Variants in SOS1 observed in about 807,000 individuals in gnomAD.
SOS1 encodes the protein son of sevenless homolog 1.
SOS1 carries 25 observed loss-of-function variants against 157.6 expected under a neutral mutation model. That is an observed-to-expected ratio of 0.16 (90% CI 0.12 to 0.22). SOS1 has a LOEUF of 0.22. Among genes scored for constraint, SOS1 ranks in the 10% least tolerant of loss-of-function variants. SOS1 has a pLI of 1.00. For missense variants in SOS1, 1,237 were observed against 1,599.1 expected (o/e 0.77, Z 3.86); for synonymous variants, 528 against 534.0 (o/e 0.99, Z 0.16).
intron 1 of SOS1, among the ~76,000 whole-genome samples, chr2:39,073,698 T>C (rs988013744): frequency 1.3e-5 from 2 of 152,214 alleles, no homozygotes; most frequent in Non-Finnish European, 2.9e-5. Context: ...TTTAGGTGTA[T>C]ATCGATTCCT....
At chr2:39,080,501 A>G (rs940905325) in intron 1 of SOS1, among the ~76,000 whole-genome samples, 11 of 152,192 alleles carry the variant, frequency 7.2e-5, no homozygotes, top group Non-Finnish European at 1.5e-4. Context: ...CTGAGGTTAT[A>G]TGTACTCTTT....
At chr2:38,993,039 C>T (rs535970176) in intron 20 of SOS1, 5 of 150,718 alleles carry the variant, frequency 3.3e-5, no homozygotes, top group Non-Finnish European at 5.9e-5. Context: ...AGTTTGAGAT[C>T]AGCCTTGGCA....
chr2:39,085,405 G>A (rs1303127918), intron 1 of SOS1, among the ~76,000 whole-genome samples: 2 of 152,144 alleles, frequency 1.3e-5, no homozygotes, highest in African/African-American at 2.4e-5. Context: ...AGCTGGAATG[G>A]CAATTCACAA....
chr2:39,032,809 A>G (rs1375593074), intron 8 of SOS1, among the ~76,000 whole-genome samples: 1 of 152,038 alleles, frequency 6.6e-6, no homozygotes, highest in Non-Finnish European at 1.5e-5. Flanking sequence ...TAAAAATACA[A>G]AATTAGTCGG....
intron 6 of SOS1, among the ~76,000 whole-genome samples, chr2:39,045,219 A>G (rs573697808): frequency 1.5e-4 from 22 of 143,020 alleles, no homozygotes; most frequent in African/African-American, 5.4e-4. Context: ...GGGCTAATTG[A>G]GTGTGAGGGA....
chr2:39,056,934 A>G, intron 3 of SOS1, 68 bp from the exon 4 acceptor site: 1 of 1,136,700 alleles, frequency 8.8e-7, no homozygotes, highest in Non-Finnish European at 1.3e-6. Context: ...GATTAAAAAT[A>G]AAAAACATAT....
chr2:38,996,183 G>A (rs1233776971), intron 19 of SOS1, among the ~76,000 whole-genome samples: 3 of 152,038 alleles, frequency 2.0e-5, no homozygotes, highest in South Asian at 2.1e-4. Flanking sequence ...TCCGCCTCCC[G>A]GGTTCAAGTG....
intron 2 of SOS1, among the ~76,000 whole-genome samples, chr2:39,062,366 T>C (rs1671434899): frequency 6.8e-6 from 1 of 147,386 alleles, no homozygotes; most frequent in African/African-American, 2.5e-5. Flanking sequence ...TGCAGTGAGC[T>C]GAGATCACAC....
intron 10 of SOS1, among the ~76,000 whole-genome samples, chr2:39,021,525 GAAA>G (rs70954777): frequency 3.7e-4 from 39 of 104,692 alleles, no homozygotes; most frequent in Non-Finnish European, 5.6e-4. Context: ...TGCTCTACAG[GAAA>G]AAAAAAAAAA....
At chr2:39,109,177 T>A (rs1297351212) in intron 1 of SOS1, among the ~76,000 whole-genome samples, 1 of 152,138 alleles carries the variant, frequency 6.6e-6, no homozygotes, top group East Asian at 1.9e-4. Context: ...CCAGCCTGGA[T>A]GACAGAGCGA....
chr2:39,039,240 T>C (rs906879706), intron 6 of SOS1, among the ~76,000 whole-genome samples: 3 of 152,238 alleles, frequency 2.0e-5, no homozygotes, highest in African/African-American at 7.2e-5. Flanking sequence ...TGCTTTATTG[T>C]GACATTCACT....
chr2:39,009,241 T>C (rs76717785), intron 15 of SOS1, among the ~76,000 whole-genome samples: 169 of 152,104 alleles, frequency 1.1e-3, no homozygotes, highest in African/African-American at 3.8e-3. Flanking sequence ...ATAAGCTCAA[T>C]AGTATATTTG....
At chr2:39,066,922 C>T (rs770786766) in intron 2 of SOS1, among the ~76,000 whole-genome samples, 22 of 152,226 alleles carry the variant, frequency 1.4e-4, no homozygotes, top group East Asian at 3.9e-4. Flanking sequence ...AGAAATTGTT[C>T]GTTTTAGCTT....
At chr2:39,008,667 C>T (rs1273489332) in intron 15 of SOS1, among the ~76,000 whole-genome samples, 1 of 152,156 alleles carries the variant, frequency 6.6e-6, no homozygotes, top group Non-Finnish European at 1.5e-5. Context: ...AAAGGAGCCA[C>T]AATTTGATTG....
At chr2:39,058,619 A>C in intron 3 of SOS1, 54 bp downstream of exon 3, 1 of 1,570,800 alleles carries the variant, frequency 6.4e-7, no homozygotes, top group Non-Finnish European at 8.7e-7. Context: ...TTGTATAAAA[A>C]TGGTGGGTTT....
At chr2:39,032,893 A>G (rs966421169) in intron 8 of SOS1, among the ~76,000 whole-genome samples, 1 of 151,670 alleles carries the variant, frequency 6.6e-6, no homozygotes, top group African/African-American at 2.4e-5. Context: ...CGAAGCTGGG[A>G]GGCAGAGGTT....
chr2:39,122,939 T>C (rs948298140), upstream of SOS1, among the ~76,000 whole-genome samples: 4 of 152,172 alleles, frequency 2.6e-5, no homozygotes, highest in Non-Finnish European at 5.9e-5. Flanking sequence ...CCCCAAACTA[T>C]TGCTTGGCTT....
upstream of SOS1, chr2:39,124,191 G>A (rs931422314): frequency 3.3e-5 from 5 of 152,350 alleles, no homozygotes; most frequent in African/African-American, 9.6e-5. Context: ...AAACACCTAT[G>A]TCCATTCAGC....
chr2:39,057,725 AAT>A (rs1285211608), intron 3 of SOS1, among the ~76,000 whole-genome samples: 1 of 152,106 alleles, frequency 6.6e-6, no homozygotes, highest in Non-Finnish European at 1.5e-5. Flanking sequence ...ATTCCCTTAG[AAT>A]ACAATTCAAC....
Sources: gnomAD v4.1 joint callset for allele counts (sites outside exome capture counted in the v4.1 genomes callset) on GRCh38, gnomAD v4.1.1 for gene constraint, MANE v1.5 for transcripts, NCBI Gene and HGNC (gene_info 2026-07-23, HGNC 2026-07-21) for gene names.